ABCC9: variants seen among roughly 807,000 people sequenced by gnomAD.
The protein encoded by ABCC9 is ATP binding cassette subfamily C member 9.
Under a neutral mutation model 188.3 loss-of-function variants are expected in ABCC9, and 95 were observed. That is an observed-to-expected ratio of 0.50 (90% CI 0.43 to 0.60). ABCC9 has a LOEUF of 0.60. ABCC9 is among the 20% of genes least tolerant of loss of function. The pLI, the probability that ABCC9 is intolerant of heterozygous loss-of-function variation, is 0.00. For synonymous variants in ABCC9, 659 were observed against 652.7 expected, an observed-to-expected ratio of 1.01 and a Z score of -0.15; for missense variants, 1,102 against 1,876.3, an observed-to-expected ratio of 0.59 and a Z score of 7.62.
chr12:21,893,183 A>G (rs112895088), intron 14 of ABCC9, among the ~76,000 whole-genome samples: 1,230 of 10,448 alleles, frequency 0.12, 12 homozygotes, highest in African/African-American at 0.24. Context: ...AAAATGGTGG[A>G]AAAATGGTCT....
intron 28 of ABCC9, among the ~76,000 whole-genome samples, chr12:21,842,706 T>C (rs1232942884): frequency 6.6e-6 from 1 of 152,222 alleles, no homozygotes; most frequent in African/African-American, 2.4e-5. Context: ...TTGGGTGTTT[T>C]ATGTAAATGA....
At chr12:21,841,376 T>C (rs1197487255) in intron 29 of ABCC9, among the ~76,000 whole-genome samples, 1 of 86,380 alleles carries the variant, frequency 1.2e-5, no homozygotes, top group Non-Finnish European at 2.1e-5. Flanking sequence ...TTTTTTTTTT[T>C]GAGACAGAGT....
At chr12:21,807,069 A>G (rs961311815) in intron 38 of ABCC9, among the ~76,000 whole-genome samples, 1 of 152,170 alleles carries the variant, frequency 6.6e-6, no homozygotes, top group South Asian at 2.1e-4. Flanking sequence ...CCTCTCATCA[A>G]CTAAGCCCTG....
intron 5 of ABCC9, among the ~76,000 whole-genome samples, chr12:21,918,723 A>C (rs962935297): frequency 2.0e-5 from 3 of 152,000 alleles, no homozygotes; most frequent in African/African-American, 7.2e-5. Flanking sequence ...CTAGGTATTG[A>C]CTGGGTCTGC....
At position 21,887,874 on chromosome 12, in the gene ABCC9, A is replaced by C; in HGVS notation, c.1863T>G (p.Thr621=). 1 of 1,613,574 alleles carries C rather than the reference A, an allele frequency of 6.2e-7. No individual in the cohort carries two copies. The highest frequency in any genetic ancestry group is 1.1e-5 in the South Asian group (1 of 91,078). The change falls in exon 15 of 40, where the codon ACT becomes ACG. Residue 621 remains threonine (T), a synonymous_variant. Transcript: ENST00000261200. ...ACTCAAAAGGAAGCGAACTTTCACC[A>C]GTTCGCCAACTGTCGTCACCAATCT... ...SDEIGDDSWR[T]GESSLPFESC...
In ABCC9 at chr12:21,839,775, C is replaced by T. The variant is rs371776320; in HGVS notation, c.3474-1605G>A. 7.2e-5 allele frequency among the ~76,000 whole-genome samples: 11 copies of T among 152,212 alleles called. 1 individual carries two copies. Among genetic ancestry groups the T allele is most frequent in the African/African-American group, 2.2e-4 (9 of 41,552 alleles). On this transcript the variant is annotated intron_variant, in intron 29 of 39. Coordinates refer to ENST00000261200, the MANE Select transcript of ABCC9 (RefSeq NM_020297.4). ...ATAATCTTCAACAATTAACTTATGC[C>T]ATTCCTGGCTGCCAGTGTAGTCTAG...
Position 21,894,788 on chromosome 12 carries a change from A to G in ABCC9, c.1659+487T>C, listed in dbSNP as rs141331238. Among the ~76,000 whole-genome samples, 535 of 152,264 alleles carry G rather than the reference A, an allele frequency of 3.5e-3. 4 individuals carry two copies. Among genetic ancestry groups the G allele is most frequent in the Non-Finnish European group, 5.8e-3 (393 of 68,014 alleles). ...ATCATGCTCAGCTAATTACATTTCT[A>G]CAAATAATACCAGTTGCCGATTTTG... On this transcript the variant is annotated intron_variant, in intron 13 of 39. Coordinates refer to ENST00000261200, the MANE Select transcript of ABCC9 (RefSeq NM_020297.4).
rs751708268 is a variant in ABCC9, at chr12:21,925,957, G to A, written c.391C>T (p.Pro131Ser). ...YYHNIETSNF[P>S]KLLLALFLYW... ...TCATACTTACCTAAAAGTAATTTAG[G>A]AAAATTTGATGTTTCGATATTATGA... The change falls in exon 5 of 40, where the codon CCT becomes TCT. Residue 131 changes from proline to serine, a missense_variant. Physicochemically the swap from Pro to Ser is moderately conservative, Grantham distance 74. This residue lies in a region of ABCC9 where 305 missense variants were observed against 573.0 expected (regional missense o/e 0.53). Coordinates refer to ENST00000261200, the MANE Select transcript of ABCC9 (RefSeq NM_020297.4). 6.2e-7 allele frequency: 1 copy of A among 1,612,822 alleles called. No homozygotes were observed. Among genetic ancestry groups the A allele is most frequent in the East Asian group, 2.2e-5 (1 of 44,876 alleles).
chr12:21,823,581 G>T (rs1403563494), intron 31 of ABCC9, among the ~76,000 whole-genome samples: 1 of 152,186 alleles, frequency 6.6e-6, no homozygotes, highest in Non-Finnish European at 1.5e-5. Flanking sequence ...TGACTCTAAA[G>T]TATTTATTTT....
At chr12:21,813,186 A>G (rs1453386247) in intron 35 of ABCC9, among the ~76,000 whole-genome samples, 1 of 152,216 alleles carries the variant, frequency 6.6e-6, no homozygotes, top group Non-Finnish European at 1.5e-5. Context: ...CATTACAAAT[A>G]GAGAAGTAAA....
intron 22 of ABCC9, among the ~76,000 whole-genome samples, chr12:21,858,166 A>AC (rs1945325132): frequency 6.6e-6 from 1 of 152,144 alleles, no homozygotes; most frequent in South Asian, 2.1e-4. Flanking sequence ...AGAAAGCCAC[A>AC]CCCAGGGGAC....
chr12:21,875,241 A>C (rs1054212321), intron 17 of ABCC9, among the ~76,000 whole-genome samples: 3 of 144,484 alleles, frequency 2.1e-5, no homozygotes, highest in Non-Finnish European at 3.0e-5. Context: ...ACTTCAATAA[A>C]ACTTTTTAAA....
intron 5 of ABCC9, among the ~76,000 whole-genome samples, chr12:21,922,531 C>A (rs972752175): frequency 4.6e-5 from 7 of 151,596 alleles, no homozygotes; most frequent in Admixed American, 6.6e-5. Flanking sequence ...ATTTCACATA[C>A]AATAAAAGGA....
chr12:21,884,218 CATTTGCCACCATGCCTGGCTAACTT>C (rs1204030606), intron 15 of ABCC9, among the ~76,000 whole-genome samples: 1 of 151,846 alleles, frequency 6.6e-6, no homozygotes, highest in Admixed American at 6.6e-5. Flanking sequence ...ACTACAGGTG[CATTTGCCACCATGCCTGGCTAACTT>C]ATTTGCTATT....
At chr12:21,860,030 G>A (rs1046925664) in intron 21 of ABCC9, among the ~76,000 whole-genome samples, 2 of 151,822 alleles carry the variant, frequency 1.3e-5, no homozygotes, top group African/African-American at 4.8e-5. Flanking sequence ...TTGATATTAT[G>A]AGTTATGTGA....
At chr12:21,818,572 C>T (rs1942827768) in intron 31 of ABCC9, among the ~76,000 whole-genome samples, 1 of 137,118 alleles carries the variant, frequency 7.3e-6, no homozygotes, top group South Asian at 2.3e-4. Flanking sequence ...GATATGGGTT[C>T]AGAGAAGTTA....
chr12:21,811,155 T>G (rs1942209663), intron 36 of ABCC9, among the ~76,000 whole-genome samples: 1 of 152,176 alleles, frequency 6.6e-6, no homozygotes, highest in South Asian at 2.1e-4. Context: ...GATTCGATGG[T>G]TTTAAAGTGT....
chr12:21,908,395 T>C (rs1239413394), intron 10 of ABCC9, among the ~76,000 whole-genome samples, 184 bp from the exon 11 acceptor site: 2 of 151,946 alleles, frequency 1.3e-5, no homozygotes, highest in Non-Finnish European at 2.9e-5. Flanking sequence ...GCTGTGACAG[T>C]TGGGTTTTAC....
intron 36 of ABCC9, among the ~76,000 whole-genome samples, chr12:21,810,690 A>T (rs576348613): frequency 1.3e-5 from 2 of 152,282 alleles, no homozygotes; most frequent in South Asian, 4.1e-4. Flanking sequence ...CTTGAGGATT[A>T]TGGCAACTAC....
Sources: allele counts gnomAD v4.1 joint callset (sites outside exome capture counted in the v4.1 genomes callset), GRCh38; gene constraint gnomAD v4.1.1; regional missense constraint gnomAD v4.1.1; transcripts MANE v1.5; gene names NCBI Gene and HGNC (gene_info 2026-07-23, HGNC 2026-07-21).